The following NDST4 variants were observed in gnomAD, a reference collection of about 807,000 sequenced individuals.
NDST4 encodes the protein N-deacetylase and N-sulfotransferase 4.
Under a neutral mutation model 100.8 loss-of-function variants are expected in NDST4, and 63 were observed. The observed-to-expected ratio is 0.62, with a 90% CI of 0.51 to 0.77. The LOEUF is 0.77. NDST4 is among the 30% of genes least tolerant of loss of function. The pLI is 0.00. For missense variants in NDST4, 943 were observed against 1,018.4 expected (o/e 0.93, Z 1.01); for synonymous variants, 377 against 361.8 (o/e 1.04, Z -0.48).
chr4:115,063,025 A>C (rs536647669), intron 2 of NDST4, among the ~76,000 whole-genome samples: 1 of 152,078 alleles, frequency 6.6e-6, no homozygotes, highest in African/African-American at 2.4e-5. Flanking sequence ...AATATGATAC[A>C]CTTGAAATTC....
chr4:115,106,733 C>T (rs989824266), intron 1 of NDST4, among the ~76,000 whole-genome samples: 1 of 152,028 alleles, frequency 6.6e-6, no homozygotes, highest in Non-Finnish European at 1.5e-5. Flanking sequence ...AGAATTACAT[C>T]GATCTTCATT....
At chr4:115,000,592 TC>T in intron 2 of NDST4, among the ~76,000 whole-genome samples, 2 of 152,218 alleles carry the variant, frequency 1.3e-5, no homozygotes, top group South Asian at 4.1e-4. Flanking sequence ...TTACTATCTG[TC>T]TTTATTATTA....
At chr4:114,904,846 C>T (rs963455883) in intron 6 of NDST4, among the ~76,000 whole-genome samples, 4 of 151,802 alleles carry the variant, frequency 2.6e-5, no homozygotes, top group Admixed American at 1.3e-4. Flanking sequence ...GAAATTCTTC[C>T]CATAATTAAA....
At chr4:115,040,824 C>G (rs990024042) in intron 2 of NDST4, among the ~76,000 whole-genome samples, 1 of 151,792 alleles carries the variant, frequency 6.6e-6, no homozygotes, top group East Asian at 1.9e-4. Flanking sequence ...TAGAATACAA[C>G]GTCTGCAATA....
At chr4:115,000,613 T>C (rs1727269509) in intron 2 of NDST4, among the ~76,000 whole-genome samples, 2 of 152,142 alleles carry the variant, frequency 1.3e-5, no homozygotes, top group Admixed American at 1.3e-4. Flanking sequence ...AATGAAGTAG[T>C]AGTCCATAAT....
chr4:115,047,090 A>C (rs1381849723), intron 2 of NDST4, among the ~76,000 whole-genome samples: 2 of 152,162 alleles, frequency 1.3e-5, no homozygotes, highest in Non-Finnish European at 2.9e-5. Flanking sequence ...CCACTGGAAA[A>C]AAAATACGAT....
At chr4:114,939,557 C>T (rs771160628) in intron 4 of NDST4, among the ~76,000 whole-genome samples, 7 of 151,738 alleles carry the variant, frequency 4.6e-5, no homozygotes, top group Non-Finnish European at 7.4e-5. Flanking sequence ...ATGTGAGTGT[C>T]CTAGATACAA....
intron 6 of NDST4, among the ~76,000 whole-genome samples, chr4:114,876,549 A>G (rs773978827): frequency 1.9e-4 from 29 of 152,206 alleles, no homozygotes; most frequent in Non-Finnish European, 3.7e-4. Context: ...TTAAACACAC[A>G]TAACTATTGA....
In NDST4 at chr4:115,004,902, A is replaced by C. The variant is rs1578446106; in HGVS notation, c.979-27628T>G. 2.0e-5 allele frequency among the ~76,000 whole-genome samples: 3 copies of C among 152,172 alleles called. No individual in the cohort carries two copies. In the East Asian group the frequency reaches 5.8e-4, roughly 29 times the overall value. On this transcript the variant is annotated intron_variant, in intron 2 of 13. Coordinates refer to ENST00000264363, the MANE Select transcript of NDST4 (RefSeq NM_022569.3). ...CAGCTTAATTTTCAGGTGAACACAC[A>C]GGAGTTTAGCTGTATTTACAGGATT...
chr4:114,875,370 C>G (rs1189034977), intron 6 of NDST4, among the ~76,000 whole-genome samples: 3 of 152,134 alleles, frequency 2.0e-5, no homozygotes, highest in Non-Finnish European at 4.4e-5. Context: ...TCATTAGAAA[C>G]ATAAGCAGTT....
Position 114,923,381 on chromosome 4 carries a change from T to TA in NDST4, c.1536+11824dup, listed in dbSNP as rs536943784. The stretch of plus-strand genomic sequence containing the variant: ...AAGAGTCTTTGTCATTCACTGTACT[T>TA]AAAAAAATAAATATTAAGGAAAAGA... On this transcript the variant is annotated intron_variant, in intron 6 of 13. Coordinates refer to ENST00000264363, the MANE Select transcript of NDST4 (RefSeq NM_022569.3). Among the ~76,000 whole-genome samples, 75 of 152,166 alleles carry TA rather than the reference T, an allele frequency of 4.9e-4. 2 individuals carry two copies. The South Asian group carries it at 0.015, about 31-fold the overall frequency.
intron 2 of NDST4, among the ~76,000 whole-genome samples, chr4:114,996,646 T>C (rs1341293897): frequency 1.3e-5 from 2 of 152,032 alleles, no homozygotes; most frequent in African/African-American, 2.4e-5. Context: ...TGTCAGAGAA[T>C]GGTCAGCCAA....
intron 2 of NDST4, among the ~76,000 whole-genome samples, chr4:115,024,422 T>C (rs991311955): frequency 6.7e-6 from 1 of 150,230 alleles, no homozygotes; most frequent in African/African-American, 2.5e-5. Flanking sequence ...ACGTCATTAT[T>C]CTTCAGATTT....
intron 11 of NDST4, 104 bp downstream of exon 11, chr4:114,839,274 A>G (rs1329764135): frequency 3.6e-6 from 4 of 1,105,928 alleles, no homozygotes; most frequent in Admixed American, 5.0e-5. Context: ...GTGCAATACA[A>G]TCATGATAAG....
intron 2 of NDST4, among the ~76,000 whole-genome samples, chr4:115,019,221 G>A (rs932008406): frequency 7.2e-5 from 11 of 151,928 alleles, no homozygotes; most frequent in Non-Finnish European, 1.5e-4. Context: ...TGCCTACTTT[G>A]TTCAATGGGC....
chr4:115,050,648 G>T (rs1439086781), intron 2 of NDST4, among the ~76,000 whole-genome samples: 1 of 152,090 alleles, frequency 6.6e-6, no homozygotes, highest in East Asian at 1.9e-4. Flanking sequence ...ATTATAGTTT[G>T]TAACATTCTT....
intron 6 of NDST4, among the ~76,000 whole-genome samples, chr4:114,895,419 A>G (rs1578372050): frequency 6.6e-6 from 1 of 152,248 alleles, no homozygotes; most frequent in South Asian, 2.1e-4. Context: ...CATACACCCT[A>G]CCAAGACTAA....
chr4:115,037,601 G>C (rs1040570103), intron 2 of NDST4, among the ~76,000 whole-genome samples: 1 of 152,102 alleles, frequency 6.6e-6, no homozygotes, highest in Admixed American at 6.6e-5. Flanking sequence ...TGTGATCAAG[G>C]ACTTTTCTTT....
chr4:114,998,486 A>T (rs920648853), intron 2 of NDST4, among the ~76,000 whole-genome samples: 1 of 152,094 alleles, frequency 6.6e-6, no homozygotes, highest in African/African-American at 2.4e-5. Flanking sequence ...CTGGAGTAGC[A>T]CATACCTCAT....
Sources: gnomAD v4.1 joint callset for allele counts (sites outside exome capture counted in the v4.1 genomes callset) on GRCh38, gnomAD v4.1.1 for gene constraint, MANE v1.5 for transcripts, NCBI Gene and HGNC (gene_info 2026-07-23, HGNC 2026-07-21) for gene names.